Variants in TMTC2 observed in about 807,000 individuals in gnomAD.
The protein encoded by TMTC2 is protein O-mannosyl-transferase TMTC2.
Under a neutral mutation model 82.4 loss-of-function variants are expected in TMTC2, and 43 were observed. That is an observed-to-expected ratio of 0.52 (90% CI 0.41 to 0.67). The LOEUF (loss-of-function observed/expected upper bound fraction) is 0.67, where lower values mean the gene tolerates loss of function less well. Among genes scored for constraint, TMTC2 ranks in the 30% least tolerant of loss-of-function variants. TMTC2 has a pLI of 0.00. For missense variants in TMTC2, 919 were observed against 1,012.4 expected, an observed-to-expected ratio of 0.91 and a Z score of 1.25; for synonymous variants, 408 against 381.9, an observed-to-expected ratio of 1.07 and a Z score of -0.80.
chr12:83,008,664 T>C (rs1318580857), intron 8 of TMTC2, among the ~76,000 whole-genome samples: 5 of 152,244 alleles, frequency 3.3e-5, no homozygotes, highest in East Asian at 1.9e-4. Flanking sequence ...CTTTGGACTT[T>C]GTTTTTCTAA....
intron 11 of TMTC2, among the ~76,000 whole-genome samples, chr12:83,105,785 C>T (rs1261438410): frequency 6.6e-6 from 1 of 152,128 alleles, no homozygotes; most frequent in African/African-American, 2.4e-5. Context: ...GCAAATCCTA[C>T]TAGGAGAAAA....
intron 8 of TMTC2, among the ~76,000 whole-genome samples, chr12:82,995,442 A>T (rs1187700966): frequency 1.3e-5 from 2 of 152,158 alleles, no homozygotes; most frequent in Non-Finnish European, 2.9e-5. Context: ...CCTGGCCATG[A>T]ACATGTTCAC....
intron 7 of TMTC2, among the ~76,000 whole-genome samples, chr12:82,983,262 T>C (rs935589374): frequency 6.6e-6 from 1 of 152,062 alleles, no homozygotes; most frequent in African/African-American, 2.4e-5. Context: ...TTCAAAGTTG[T>C]AATAAGTGGT....
intron 8 of TMTC2, among the ~76,000 whole-genome samples, chr12:83,004,249 A>T (rs537708537): frequency 2.6e-5 from 4 of 152,194 alleles, no homozygotes; most frequent in African/African-American, 9.6e-5. Context: ...CTTTCTTAAA[A>T]TGGCTATTGC....
At chr12:82,687,712 A>T (rs781168718) in intron 1 of TMTC2, 43 bp downstream of exon 1, 22 of 1,556,858 alleles carry the variant, frequency 1.4e-5, no homozygotes, top group Admixed American at 1.9e-5. Context: ...CAGGGGGCAC[A>T]CTCCGCAGTG....
intron 1 of TMTC2, among the ~76,000 whole-genome samples, chr12:82,739,809 G>T (rs1410191366): frequency 6.7e-6 from 1 of 148,650 alleles, no homozygotes; most frequent in Non-Finnish European, 1.5e-5. Flanking sequence ...AACCCAGGAA[G>T]ACTTTCAGAT....
chr12:82,772,968 C>T (rs11115408), intron 1 of TMTC2, among the ~76,000 whole-genome samples: 17,395 of 152,090 alleles, frequency 0.11, 1,047 homozygotes, highest in Middle Eastern at 0.2. Flanking sequence ...TTTCTACTTC[C>T]TTATTTTCAA....
intron 11 of TMTC2, among the ~76,000 whole-genome samples, chr12:83,067,820 T>C (rs1882972146): frequency 6.6e-6 from 1 of 152,070 alleles, no homozygotes; most frequent in African/African-American, 2.4e-5. Context: ...TGCTAACTGT[T>C]GTATTTGCAT....
chr12:82,718,818 A>G (rs1466438486), intron 1 of TMTC2, among the ~76,000 whole-genome samples: 1 of 139,306 alleles, frequency 7.2e-6, no homozygotes, highest in Non-Finnish European at 1.6e-5. Flanking sequence ...ATAGGAAAAT[A>G]GGAAGTTTTA....
chr12:82,890,665 T>C (rs1464180390), intron 2 of TMTC2, among the ~76,000 whole-genome samples: 1 of 152,222 alleles, frequency 6.6e-6, no homozygotes, highest in Non-Finnish European at 1.5e-5. Flanking sequence ...AAGCTCATAA[T>C]TGATAATGAT....
chr12:83,042,337 G>A (rs186222922), intron 9 of TMTC2, among the ~76,000 whole-genome samples: 47 of 152,226 alleles, frequency 3.1e-4, no homozygotes, highest in African/African-American at 1.1e-3. Context: ...CAACTCCCTA[G>A]TGTAAGAATG....
chr12:82,708,323 C>T (rs541159273), intron 1 of TMTC2, among the ~76,000 whole-genome samples: 5 of 152,266 alleles, frequency 3.3e-5, no homozygotes, highest in South Asian at 2.1e-4. Flanking sequence ...CACAGGTCTA[C>T]GATGTAATTG....
intron 1 of TMTC2, among the ~76,000 whole-genome samples, chr12:82,753,094 GCTTTT>G (rs1319104173): frequency 6.6e-6 from 1 of 151,940 alleles, no homozygotes; most frequent in Non-Finnish European, 1.5e-5. Context: ...TGACCTTGTG[GCTTTT>G]CTTTTCTGTT....
chr12:82,714,729 ATGT>A (rs998124566), intron 1 of TMTC2, among the ~76,000 whole-genome samples: 4 of 152,174 alleles, frequency 2.6e-5, no homozygotes, highest in Non-Finnish European at 4.4e-5. Flanking sequence ...GATAATTAAA[ATGT>A]TGTCACATAG....
chr12:82,817,486 A>G (rs1868811172), intron 1 of TMTC2, among the ~76,000 whole-genome samples: 1 of 152,098 alleles, frequency 6.6e-6, no homozygotes, highest in Non-Finnish European at 1.5e-5. Context: ...GTGTTTCTGT[A>G]AGTGGAGTGA....
chr12:82,896,370 A>C lies in TMTC2; in HGVS notation c.1207A>C (p.Ile403Leu). 6.2e-7 allele frequency: 1 copy of C among 1,614,140 alleles called. No individual in the cohort carries two copies. Among genetic ancestry groups the C allele is most frequent in the Non-Finnish European group, 8.5e-7 (1 of 1,180,034 alleles). The stretch of plus-strand genomic sequence containing the variant: ...TGTTCTGTCTTTATCTTTGTTAATC[A>C]TACCCTTTGTTCCTGCCACGAACCT... ...IVVLSLSLLIIPFVPATNLFF... is the reference protein window; with the variant it reads ...IVVLSLSLLILPFVPATNLFF... Residue 403 changes from isoleucine (I) to leucine (L), a missense_variant, in exon 3 of 12, where the codon ATA becomes CTA. Transcript: ENST00000321196.
chr12:83,058,088 C>G (rs1289301379), intron 10 of TMTC2, among the ~76,000 whole-genome samples: 1 of 151,652 alleles, frequency 6.6e-6, no homozygotes, highest in African/African-American at 2.4e-5. Context: ...ACTGTTGGGC[C>G]ATAAACATGT....
intron 7 of TMTC2, among the ~76,000 whole-genome samples, chr12:82,979,691 G>A (rs1255523494): frequency 1.3e-5 from 2 of 151,692 alleles, no homozygotes; most frequent in Non-Finnish European, 1.5e-5. Flanking sequence ...CTACCAGTGA[G>A]TTTTGTACTT....
chr12:83,074,601 T>A (rs1224956847), intron 11 of TMTC2, among the ~76,000 whole-genome samples: 1 of 151,992 alleles, frequency 6.6e-6, no homozygotes, highest in African/African-American at 2.4e-5. Flanking sequence ...CTGAGTCATG[T>A]GGTTGTCAGG....
Sources: gnomAD v4.1 joint callset for allele counts (sites outside exome capture counted in the v4.1 genomes callset) on GRCh38, gnomAD v4.1.1 for gene constraint, MANE v1.5 for transcripts, NCBI Gene and HGNC (gene_info 2026-07-23, HGNC 2026-07-21) for gene names.